The following EIF4G3 variants were observed in gnomAD, a reference collection of about 807,000 sequenced individuals.
The protein encoded by EIF4G3 is eukaryotic translation initiation factor 4 gamma 3.
In EIF4G3, 34 loss-of-function variants were observed where a neutral mutation model predicts 186.4. That is an observed-to-expected ratio of 0.18 (90% CI 0.14 to 0.24). The LOEUF (loss-of-function observed/expected upper bound fraction) is 0.24, where lower values mean the gene tolerates loss of function less well. EIF4G3 is among the 10% of genes least tolerant of loss of function. The pLI is 1.00. For missense variants in EIF4G3, 1,536 were observed against 1,948.5 expected (o/e 0.79, Z 3.99); for synonymous variants, 673 against 679.5 (o/e 0.99, Z 0.15).
At chr1:20,817,789 C>T (rs1024043881) in intron 33 of EIF4G3, among the ~76,000 whole-genome samples, 2 of 151,330 alleles carry the variant, frequency 1.3e-5, no homozygotes, top group African/African-American at 2.4e-5. Context: ...ATCCTCCCAC[C>T]TCAGCCTCCT....
At chr1:20,951,640 A>C (rs2096224156) in intron 12 of EIF4G3, among the ~76,000 whole-genome samples, 1 of 152,162 alleles carries the variant, frequency 6.6e-6, no homozygotes, top group Admixed American at 6.5e-5. Context: ...GCATTCATTA[A>C]GCAGTTAACC....
Position 21,172,499 on chromosome 1 carries a change from C to A in EIF4G3, c.-272+3676G>T, listed in dbSNP as rs537231697. 8.5e-5 allele frequency among the ~76,000 whole-genome samples: 13 copies of A among 152,244 alleles called. No homozygotes were observed. The South Asian group carries it at 2.7e-3, about 32-fold the overall frequency. ...CTGAATTAATGAATTCATAAACTTG[C>A]CACATCTATTGAAGCCTCAATATAA... On this transcript the variant is annotated intron_variant, in intron 2 of 36. Transcript: ENST00000602326.
Position 20,986,744 on chromosome 1 carries a change from C to CAAAAAAAAAAA in EIF4G3, c.178-4347_178-4337dup, listed in dbSNP as rs61255473. ...AGCCTGGGCGACAGAGCTCTGTCTC[C>CAAAAAAAAAAA]AAAAAAAAAAAAAAAAAAAAAAAAA... On this transcript the variant is annotated intron_variant, in intron 7 of 36. Transcript: ENST00000602326. 1.0e-3 allele frequency among the ~76,000 whole-genome samples: 67 copies of CAAAAAAAAAAA among 66,314 alleles called. 5 individuals carry two copies. The highest frequency in any genetic ancestry group is 0.011 in the Middle Eastern group (1 of 88). 43.5% of individuals were successfully genotyped at this position (66,314 alleles called of 152,430 possible).
chr1:21,161,684 CCGTGCGCCGTGGCT>C (rs2097768632), intron 2 of EIF4G3: 1 of 152,070 alleles, frequency 6.6e-6, no homozygotes, highest in Admixed American at 6.6e-5. Context: ...TGGAGATAGG[CCGTGCGCCGTGGCT>C]CATGCGCCAG....
chr1:21,092,978 A>T lies in EIF4G3; in HGVS notation c.-271-3765T>A, dbSNP rs2096251904. 2.0e-5 allele frequency among the ~76,000 whole-genome samples: 3 copies of T among 152,310 alleles called. No individual in the cohort carries two copies. The South Asian group carries it at 6.2e-4, about 32-fold the overall frequency. ...GATGGATTAAAGACTTAAATGTTAG[A>T]TCTAAAACCATAAAAACCCTAGAAG... is the stretch of plus-strand genomic sequence containing the variant. On this transcript the variant is annotated intron_variant, in intron 2 of 36. Coordinates refer to ENST00000602326, the MANE Select transcript of EIF4G3 (RefSeq NM_001391906.1).
At chr1:21,091,611 T>C (rs1272617385) in intron 2 of EIF4G3, among the ~76,000 whole-genome samples, 1 of 152,218 alleles carries the variant, frequency 6.6e-6, no homozygotes, top group Non-Finnish European at 1.5e-5. Flanking sequence ...ATATTGATTC[T>C]TCCTATCTAT....
At position 20,860,445 on chromosome 1, in the gene EIF4G3, C is replaced by G. The variant is rs765060942; in HGVS notation, c.3184G>C (p.Glu1062Gln). ...IEQIHKEAKIEEQEEQRKVQQ... is the reference protein window; with the variant it reads ...IEQIHKEAKIQEQEEQRKVQQ... Reference sequence around the variant, plus strand: ...ACCTTCCTTTGCTCTTCTTGTTCTTCTATTTTAGCCTCTTTGTGAATCTGT... The same window carrying G: ...ACCTTCCTTTGCTCTTCTTGTTCTTGTATTTTAGCCTCTTTGTGAATCTGT... The change falls in exon 24 of 37, where the codon GAA becomes CAA. Residue 1062 changes from glutamate (E) to glutamine (Q), a missense_variant. By Grantham distance (29) the Glu-to-Gln change is conservative. Coordinates refer to ENST00000602326, the MANE Select transcript of EIF4G3 (RefSeq NM_001391906.1). The G allele has an allele frequency of 6.2e-7, 1 of 1,614,064 alleles. No individual in the cohort carries two copies. The highest frequency in any genetic ancestry group is 1.1e-5 in the South Asian group (1 of 91,080).
chr1:20,858,744 C>T (rs1557952227), intron 24 of EIF4G3, among the ~76,000 whole-genome samples: 1 of 152,178 alleles, frequency 6.6e-6, no homozygotes, highest in Non-Finnish European at 1.5e-5. Flanking sequence ...CGCCTGTAAT[C>T]CCAGCACTTT....
intron 14 of EIF4G3, among the ~76,000 whole-genome samples, chr1:20,905,534 T>G (rs2091814431): frequency 6.6e-6 from 1 of 152,250 alleles, no homozygotes; most frequent in Admixed American, 6.5e-5. Context: ...AGATCAGGAC[T>G]GTTTGCCTAG....
chr1:21,146,247 T>C (rs1188193827), intron 2 of EIF4G3, among the ~76,000 whole-genome samples: 2 of 152,054 alleles, frequency 1.3e-5, no homozygotes, highest in Admixed American at 6.6e-5. Context: ...TCCTAGCTAA[T>C]TGGGAGGCTG....
intron 4 of EIF4G3, among the ~76,000 whole-genome samples, chr1:21,014,577 GT>G (rs2088275383): frequency 6.7e-6 from 1 of 149,508 alleles, no homozygotes; most frequent in Non-Finnish European, 1.5e-5. Flanking sequence ...GCAGTATTTC[GT>G]TTTCAGTTCC....
At chr1:21,094,112 T>A (rs1418844976) in intron 2 of EIF4G3, among the ~76,000 whole-genome samples, 3 of 151,384 alleles carry the variant, frequency 2.0e-5, no homozygotes, top group South Asian at 4.2e-4. Flanking sequence ...AAAAAAAATT[T>A]TTTTTTTTTT....
At chr1:20,999,042 T>G (rs1558634573) in intron 6 of EIF4G3, among the ~76,000 whole-genome samples, 1 of 152,178 alleles carries the variant, frequency 6.6e-6, no homozygotes, top group Admixed American at 6.5e-5. Flanking sequence ...CTACCATTAG[T>G]TCACATTTTA....
intron 3 of EIF4G3, among the ~76,000 whole-genome samples, chr1:21,087,660 G>T (rs1219554906): frequency 1.3e-5 from 2 of 151,564 alleles, no homozygotes; most frequent in African/African-American, 4.8e-5. Context: ...TTGAGACGGA[G>T]TCTCGCTCTG....
intron 29 of EIF4G3, chr1:20,847,821 C>A: frequency 2.1e-6 from 1 of 471,784 alleles, no homozygotes; most frequent in South Asian, 1.5e-5. Context: ...CCTCACTCAT[C>A]ATCAAAAACT....
chr1:21,053,857 C>A (rs1197184356), intron 3 of EIF4G3, among the ~76,000 whole-genome samples: 32 of 143,596 alleles, frequency 2.2e-4, no homozygotes, highest in African/African-American at 8.5e-4. Flanking sequence ...GGGGGGTCAG[C>A]CCCCCGCCCG....
At chr1:20,952,755 CAGG>C (rs937291147) in intron 12 of EIF4G3, among the ~76,000 whole-genome samples, 2 of 152,094 alleles carry the variant, frequency 1.3e-5, no homozygotes, top group Non-Finnish European at 2.9e-5. Context: ...GAGGCTGAGG[CAGG>C]AGAATTGCTT....
intron 2 of EIF4G3, among the ~76,000 whole-genome samples, chr1:21,112,023 A>T (rs1312913596): frequency 6.6e-6 from 1 of 152,216 alleles, no homozygotes; most frequent in Non-Finnish European, 1.5e-5. Flanking sequence ...TCACCATGCC[A>T]GCTATGAAGG....
intron 2 of EIF4G3, among the ~76,000 whole-genome samples, chr1:21,148,768 G>C (rs750582325): frequency 4.0e-5 from 6 of 151,238 alleles, no homozygotes; most frequent in Non-Finnish European, 8.8e-5. Context: ...GCTGAGGTGG[G>C]AGGATAGCCA....
Sources: allele counts gnomAD v4.1 joint callset (sites outside exome capture counted in the v4.1 genomes callset), GRCh38; gene constraint gnomAD v4.1.1; transcripts MANE v1.5; gene names NCBI Gene and HGNC (gene_info 2026-07-23, HGNC 2026-07-21).